Variants in DLL1 observed in about 807,000 individuals in gnomAD.
DLL1 encodes delta-like protein 1.
A neutral mutation model predicts 75.1 loss-of-function variants in DLL1; 9 were observed. That is an observed-to-expected ratio of 0.12 (90% confidence interval 0.07 to 0.21). The LOEUF is 0.21. DLL1 is among the 10% of genes least tolerant of loss of function. The probability of loss-of-function intolerance (pLI) is 1.00; values close to 1 mark genes in which losing one functional copy is unlikely to be tolerated. For synonymous variants in DLL1, 477 were observed against 418.3 expected, an observed-to-expected ratio of 1.14 and a Z score of -1.71; for missense variants, 837 against 1,007.6, an observed-to-expected ratio of 0.83 and a Z score of 2.29.
At chr6:170,282,911 C>G in intron 10 of DLL1, 32 bp from the exon 11 acceptor site, 1 of 1,614,198 alleles carries the variant, frequency 6.2e-7, no homozygotes, top group Non-Finnish European at 8.5e-7. Flanking sequence ...GGGAAGTTAG[C>G]CTGAGACCGA....
chr6:170,283,761 C>T lies in DLL1; in HGVS notation c.1518G>A (p.Glu506=), dbSNP rs369419165. ...TGGGACCCCCGTAGCCTCGGGCACA[C>T]TCGCACACATAGCGGTGGCCCCTCT... ...CHERGHRYVC[E]CARGYGGPNC... Residue 506 remains glutamate, a synonymous_variant, in exon 9 of 11, where the codon GAG becomes GAA. Transcript: ENST00000366756. 1.9e-3 allele frequency: 3,038 copies of T among 1,584,264 alleles called. 2 individuals carry two copies. The highest frequency in any genetic ancestry group is 2.5e-3 in the Non-Finnish European group (2,896 of 1,167,234).
Position 170,290,471 on chromosome 6 carries a change from T to C in DLL1, c.-332A>G. ...GAGGTGAGGGTCGCCGGCTTCCTGG[T>C]TTTGTCTTGAGCTTCTTCGCAGGAG... On this transcript the variant is annotated 5_prime_UTR_variant, in exon 1 of 11. Coordinates refer to ENST00000366756, the MANE Select transcript of DLL1 (RefSeq NM_005618.4). The surrounding 1 kb of genome is among the most constrained non-coding windows in gnomAD (Gnocchi z 4.7). 3.0e-6 allele frequency: 1 copy of C among 332,848 alleles called. No homozygotes were observed. Among genetic ancestry groups the C allele is most frequent in the South Asian group, 7.2e-5 (1 of 13,966 alleles). 20.6% of individuals were successfully genotyped at this position (332,848 alleles called of 1,614,324 possible).
At position 170,284,911 on chromosome 6, in the gene DLL1, C is replaced by T. The variant is rs1193237642; in HGVS notation, c.1249+8G>A. The T allele has an allele frequency of 1.2e-6, 2 of 1,613,436 alleles. No individual in the cohort carries two copies. Among genetic ancestry groups the T allele is most frequent in the African/African-American group, 1.3e-5 (1 of 75,018 alleles). On this transcript the variant is annotated splice_region_variant and intron_variant, in intron 8 of 10. Transcript: ENST00000366756. The stretch of plus-strand genomic sequence containing the variant: ...GAGTCTCTGAGCAATCACCAGCTGC[C>T]CCCTTACCATTAGAACAGGGTGAAG...
intron 4 of DLL1, 35 bp from the exon 5 acceptor site, chr6:170,286,333 G>T (rs376469758): frequency 1.2e-6 from 2 of 1,613,542 alleles, no homozygotes; most frequent in African/African-American, 1.3e-5. Context: ...CAAGCCCCAC[G>T]CCAAGTACGT....
In DLL1 at chr6:170,283,753, C is replaced by T. The variant is rs773731649; in HGVS notation, c.1526G>A (p.Arg509Gln). The change falls in exon 9 of 11, where the codon CGA becomes CAA. Residue 509 changes from arginine to glutamine, a missense_variant. This residue lies in a region of DLL1 where 533 missense variants were observed against 545.7 expected (regional missense o/e 0.98). Coordinates refer to ENST00000366756, the MANE Select transcript of DLL1 (RefSeq NM_005618.4). ...CTGGCAGTTGGGACCCCCGTAGCCTCGGGCACACTCGCACACATAGCGGTG... is the reference window on the plus strand; with the variant it reads ...CTGGCAGTTGGGACCCCCGTAGCCTTGGGCACACTCGCACACATAGCGGTG... ...RGHRYVCECARGYGGPNCQFL... is the reference protein window; with the variant it reads ...RGHRYVCECAQGYGGPNCQFL... 11 of 1,572,040 alleles carry T rather than the reference C, an allele frequency of 7.0e-6. No individual in the cohort carries two copies. Among genetic ancestry groups the T allele is most frequent in the East Asian group, 4.7e-5 (2 of 42,676 alleles).
At position 170,288,036 on chromosome 6, in the gene DLL1, G is replaced by A. The variant is rs906066117; in HGVS notation, c.670+203C>T. The A allele has an allele frequency of 4.7e-5, 34 of 716,674 alleles. No individual in the cohort carries two copies. In the South Asian group the frequency reaches 5.3e-4, roughly 11 times the overall value. 44.4% of individuals were successfully genotyped at this position (716,674 alleles called of 1,614,324 possible). On this transcript the variant is annotated intron_variant, in intron 4 of 10. Coordinates refer to ENST00000366756, the MANE Select transcript of DLL1 (RefSeq NM_005618.4). ...TCCGATAGTGGATAAACACAGCCTG[G>A]GATGTTAAAATGTCTGCGTTGACCC...
At chr6:170,286,907 C>A (rs367851267) in intron 4 of DLL1, among the ~76,000 whole-genome samples, 2 of 152,154 alleles carry the variant, frequency 1.3e-5, no homozygotes, top group Non-Finnish European at 2.9e-5. Context: ...ATGGCACGCG[C>A]GAGCTGGGGG....
intron 4 of DLL1, among the ~76,000 whole-genome samples, chr6:170,287,664 C>T (rs905499778): frequency 1.3e-5 from 2 of 152,228 alleles, no homozygotes; most frequent in Non-Finnish European, 2.9e-5. Flanking sequence ...GTGCACCCCT[C>T]GCCCACACAG....
intron 10 of DLL1, 31 bp downstream of exon 10, chr6:170,282,954 CGAG>C: frequency 6.2e-7 from 1 of 1,614,180 alleles, no homozygotes; most frequent in Non-Finnish European, 8.5e-7. Context: ...GCTCCCATGC[CGAG>C]GAGGAGGGAG....
intron 2 of DLL1, chr6:170,289,291 C>G: frequency 1.3e-6 from 1 of 757,280 alleles, no homozygotes. Flanking sequence ...CTCCTCCTCG[C>G]CCCAGCGCGG....
At chr6:170,287,615 A>C (rs1437888890) in intron 4 of DLL1, among the ~76,000 whole-genome samples, 2 of 152,224 alleles carry the variant, frequency 1.3e-5, no homozygotes, top group Non-Finnish European at 2.9e-5. Context: ...TTGCTTCTCC[A>C]GACAAGGTGC....
rs779591342 is a variant in DLL1, at chr6:170,288,206, G to A, written c.670+33C>T. 2.4e-5 allele frequency: 38 copies of A among 1,613,412 alleles called. 1 individual carries two copies. The highest frequency in any genetic ancestry group is 2.3e-4 in the Admixed American group (14 of 60,012). ...CTGCGCGCGGTCCGTGTTCGTGGAC[G>A]AGTGAGCCAGCGGTGCCTTCCCAGA... On this transcript the variant is annotated intron_variant, in intron 4 of 10. Coordinates refer to ENST00000366756, the MANE Select transcript of DLL1 (RefSeq NM_005618.4).
rs113921851 is a variant in DLL1 at position 170,286,366 on chromosome 6, G to A, written c.671-68C>T. ...CGTCCCAACAGGGCTGCCGCCCTTG[G>A]GGCCAGGACACAACTCGCCGGCTTC... On this transcript the variant is annotated intron_variant, in intron 4 of 10. Coordinates refer to ENST00000366756, the MANE Select transcript of DLL1 (RefSeq NM_005618.4). 36 of 1,594,420 alleles carry A rather than the reference G, an allele frequency of 2.3e-5. No homozygotes were observed. In the African/African-American group the frequency reaches 2.8e-4, roughly 12 times the overall value.
intron 8 of DLL1, among the ~76,000 whole-genome samples, chr6:170,284,407 C>G (rs1273017822): frequency 6.7e-6 from 1 of 150,250 alleles, no homozygotes. Context: ...GGAGCAGGCA[C>G]TGACAACAGG....
In DLL1 at chr6:170,290,218, G is replaced by C; in HGVS notation, c.-79C>G. 6.5e-7 allele frequency: 1 copy of C among 1,536,458 alleles called. No homozygotes were observed. Among genetic ancestry groups the C allele is most frequent in the Non-Finnish European group, 8.8e-7 (1 of 1,138,094 alleles). ...AGCGGCGGACGCGCGGGGGATCGAT[G>C]GGCCACGGGGAGCGTGGGCAGAAAA... On this transcript the variant is annotated 5_prime_UTR_variant, in exon 1 of 11. Coordinates refer to ENST00000366756, the MANE Select transcript of DLL1 (RefSeq NM_005618.4). This position sits in a 1 kb window ranked among gnomAD's most constrained non-coding sequence, Gnocchi z 4.7.
At position 170,288,730 on chromosome 6, in the gene DLL1, T is replaced by C; in HGVS notation, c.411A>G (p.Thr137=). ...TTGGGGTTTGGGTTTTGTTTTTACC[T>C]GTTGCGAGGTCATCAGGAGAATCTG... The part of the protein sequence containing the change: ...LHTDSPDDLA[T]ENPERLISRL... The change falls in exon 3 of 11, where the codon ACA becomes ACG. Residue 137 remains threonine, a splice_region_variant and synonymous_variant. Transcript: ENST00000366756. The C allele has an allele frequency of 6.2e-7, 1 of 1,614,196 alleles. No individual in the cohort carries two copies. Among genetic ancestry groups the C allele is most frequent in the Non-Finnish European group, 8.5e-7 (1 of 1,180,034 alleles).
Position 170,288,844 on chromosome 6 carries a change from C to G in DLL1, c.352-55G>C, listed in dbSNP as rs993524985. ...ACCCAGAAAGGTAACGAAAAGAAAA[C>G]GGCAAAAAGCAGTCATTCCTAACAG... On this transcript the variant is annotated intron_variant, in intron 2 of 10. Coordinates refer to ENST00000366756, the MANE Select transcript of DLL1 (RefSeq NM_005618.4). 1.2e-5 allele frequency: 19 copies of G among 1,600,712 alleles called. No individual in the cohort carries two copies. The African/African-American group carries it at 2.3e-4, about 19-fold the overall frequency.
chr6:170,288,540 T>A (rs1339116617), intron 3 of DLL1, 44 bp from the exon 4 acceptor site: 1 of 1,613,898 alleles, frequency 6.2e-7, no homozygotes, highest in African/African-American at 1.3e-5. Flanking sequence ...ACGAGAACCC[T>A]GTGACTCGGG....
rs1346093114 is a variant in DLL1, at chr6:170,290,582, T to TA, written c.-444dup. The TA allele has an allele frequency of 4.2e-6, 1 of 236,428 alleles. No individual in the cohort carries two copies. The highest frequency in any genetic ancestry group is 8.0e-6 in the Non-Finnish European group (1 of 125,550). 14.6% of individuals were successfully genotyped at this position (236,428 alleles called of 1,614,324 possible). A position where few individuals can be genotyped will look rare whatever the true frequency, so the allele number is the denominator to read the frequency against. ...CTGCAGAGCTTCCTCCCGAGCCGAT[T>TA]AGAAAGCCGCGGTCTGGAAATCCCA... is the stretch of plus-strand genomic sequence containing the variant. On this transcript the variant is annotated 5_prime_UTR_variant, in exon 1 of 11. Coordinates refer to ENST00000366756, the MANE Select transcript of DLL1 (RefSeq NM_005618.4). This position sits in a 1 kb window ranked among gnomAD's most constrained non-coding sequence, Gnocchi z 4.7.
Sources: allele counts gnomAD v4.1 joint callset (sites outside exome capture counted in the v4.1 genomes callset), GRCh38; gene constraint gnomAD v4.1.1; regional missense constraint gnomAD v4.1.1; non-coding constraint Gnocchi (gnomAD v3.1); transcripts MANE v1.5; gene names NCBI Gene and HGNC (gene_info 2026-07-23, HGNC 2026-07-21).